The following DPYD variants were observed in gnomAD, a reference collection of about 807,000 sequenced individuals.
DPYD encodes dihydropyrimidine dehydrogenase [NADP(+)].
A neutral mutation model predicts 116.2 loss-of-function variants in DPYD; 109 were observed. That is an observed-to-expected ratio of 0.94 (90% CI 0.80 to 1.10). DPYD has a LOEUF of 1.10. Ranked by LOEUF, DPYD falls within the 50% of genes least tolerant of loss-of-function variation. The pLI is 0.00. For synonymous variants in DPYD, 440 were observed against 432.0 expected (o/e 1.02, Z -0.23); for missense variants, 1,302 against 1,254.5 (o/e 1.04, Z -0.57).
chr1:97,373,972 G>A (rs1397595548), intron 15 of DPYD, among the ~76,000 whole-genome samples: 1 of 152,168 alleles, frequency 6.6e-6, no homozygotes, highest in African/African-American at 2.4e-5. Context: ...CTGAAGCATA[G>A]GGAGGTTAAA....
intron 16 of DPYD, among the ~76,000 whole-genome samples, chr1:97,372,245 G>A (rs946316474): frequency 6.6e-6 from 1 of 152,174 alleles, no homozygotes; most frequent in Non-Finnish European, 1.5e-5. Context: ...TCGGTTCTGA[G>A]ATTCACAGAC....
chr1:97,633,011 T>C (rs1229653873), intron 8 of DPYD, among the ~76,000 whole-genome samples: 1 of 152,066 alleles, frequency 6.6e-6, no homozygotes, highest in African/African-American at 2.4e-5. Flanking sequence ...ACAAAAAAAA[T>C]GGGGCATACT....
chr1:97,558,294 C>T (rs544871935), intron 11 of DPYD, among the ~76,000 whole-genome samples: 1 of 152,164 alleles, frequency 6.6e-6, no homozygotes, highest in South Asian at 2.1e-4. Flanking sequence ...TCAGCTACTT[C>T]CCCCCAGCAT....
intron 20 of DPYD, among the ~76,000 whole-genome samples, chr1:97,184,455 C>T (rs1403570251): frequency 1.3e-5 from 2 of 152,116 alleles, no homozygotes; most frequent in African/African-American, 4.8e-5. Flanking sequence ...TATTAATAAC[C>T]ATTCTGATTG....
At chr1:97,878,915 G>A (rs1000765194) in intron 2 of DPYD, among the ~76,000 whole-genome samples, 8 of 151,908 alleles carry the variant, frequency 5.3e-5, no homozygotes, top group East Asian at 3.9e-4. Context: ...TGAAACAAAC[G>A]AGTGACTGAG....
intron 20 of DPYD, among the ~76,000 whole-genome samples, chr1:97,135,112 C>T (rs1653685852): frequency 6.6e-6 from 1 of 152,122 alleles, no homozygotes; most frequent in Admixed American, 6.5e-5. Flanking sequence ...CAAGAAGCAA[C>T]GTTCTTAGAT....
intron 20 of DPYD, among the ~76,000 whole-genome samples, chr1:97,173,295 C>CAT (rs773327264): frequency 5.6e-4 from 71 of 127,580 alleles, no homozygotes; most frequent in African/African-American, 1.4e-3. Context: ...TATATGTACA[C>CAT]ATATGTACAT....
chr1:97,510,613 G>A (rs978775108), intron 13 of DPYD, among the ~76,000 whole-genome samples: 1 of 151,916 alleles, frequency 6.6e-6, no homozygotes, highest in Non-Finnish European at 1.5e-5. Flanking sequence ...TCTAATCAGA[G>A]GGCAAGTTAG....
intron 18 of DPYD, 117 bp downstream of exon 18, chr1:97,305,142 T>G: frequency 7.0e-7 from 1 of 1,427,286 alleles, no homozygotes; most frequent in Non-Finnish European, 9.8e-7. Flanking sequence ...GGAATATTGA[T>G]CAGCTATGAG....
At chr1:97,556,707 A>G (rs1463899723) in intron 11 of DPYD, among the ~76,000 whole-genome samples, 10 of 149,792 alleles carry the variant, frequency 6.7e-5, no homozygotes, top group Admixed American at 2.7e-4. Context: ...ATGGCTGCAT[A>G]GTATTCCATG....
At chr1:97,106,312 G>A (rs1471637532) in intron 20 of DPYD, among the ~76,000 whole-genome samples, 1 of 152,106 alleles carries the variant, frequency 6.6e-6, no homozygotes, top group Admixed American at 6.6e-5. Context: ...ATGATGCCCA[G>A]GGAGCTGGTA....
intron 14 of DPYD, among the ~76,000 whole-genome samples, chr1:97,440,475 ATTGT>A (rs760682363): frequency 2.6e-5 from 4 of 151,458 alleles, no homozygotes; most frequent in Non-Finnish European, 4.4e-5. Context: ...TTATATATTG[ATTGT>A]TGGTTTTTTG....
chr1:97,083,809 T>C (rs1409046337), intron 21 of DPYD, among the ~76,000 whole-genome samples: 1 of 152,252 alleles, frequency 6.6e-6, no homozygotes, highest in East Asian at 1.9e-4. Flanking sequence ...GTTTTGTGAA[T>C]AGCATTACGA....
chr1:97,517,140 C>T (rs1570883074), intron 12 of DPYD, among the ~76,000 whole-genome samples: 1 of 152,010 alleles, frequency 6.6e-6, no homozygotes, highest in East Asian at 1.9e-4. Flanking sequence ...TCAATTGAAA[C>T]ACTAATGTGT....
chr1:97,552,012 T>C (rs1446197671), intron 11 of DPYD, among the ~76,000 whole-genome samples: 2 of 152,082 alleles, frequency 1.3e-5, no homozygotes, highest in African/African-American at 4.8e-5. Flanking sequence ...CTATTTTCTA[T>C]AACAGACTTA....
intron 21 of DPYD, among the ~76,000 whole-genome samples, chr1:97,090,505 T>G (rs1233247362): frequency 1.3e-5 from 2 of 152,186 alleles, no homozygotes; most frequent in Admixed American, 6.5e-5. Flanking sequence ...AAATATTAGC[T>G]TTTATTATTA....
chr1:97,615,901 C>T (rs552413902), intron 8 of DPYD, among the ~76,000 whole-genome samples: 1 of 152,250 alleles, frequency 6.6e-6, no homozygotes, highest in African/African-American at 2.4e-5. Context: ...TTCATTACCC[C>T]TGAGTTAAGA....
intron 20 of DPYD, among the ~76,000 whole-genome samples, chr1:97,171,881 G>A (rs781239699): frequency 6.6e-6 from 1 of 152,100 alleles, no homozygotes; most frequent in Non-Finnish European, 1.5e-5. Context: ...CATTTCATGG[G>A]TGCAGTTTAT....
intron 20 of DPYD, among the ~76,000 whole-genome samples, chr1:97,151,556 T>A (rs1021702497): frequency 6.6e-6 from 1 of 152,052 alleles, no homozygotes; most frequent in Non-Finnish European, 1.5e-5. Flanking sequence ...GCGCCTGTAA[T>A]CCCAGCTACT....
Sources: gnomAD v4.1 joint callset for allele counts (sites outside exome capture counted in the v4.1 genomes callset) on GRCh38, gnomAD v4.1.1 for gene constraint, MANE v1.5 for transcripts, NCBI Gene and HGNC (gene_info 2026-07-23, HGNC 2026-07-21) for gene names.